Variants in ST3GAL2 observed in about 807,000 individuals in gnomAD.
The protein encoded by ST3GAL2 is ST3 beta-galactoside alpha-2,3-sialyltransferase 2, also known as CMP-N-acetylneuraminate-beta-galactosamide-alpha-2,3-sialyltransferase 2.
Under a neutral mutation model 37.5 loss-of-function variants are expected in ST3GAL2, and 16 were observed. The observed-to-expected ratio is 0.43, with a 90% CI of 0.29 to 0.65. ST3GAL2 has a LOEUF of 0.65. Ranked by LOEUF, ST3GAL2 falls within the 30% of genes least tolerant of loss-of-function variation. ST3GAL2 has a pLI of 0.17. For missense variants in ST3GAL2, 383 were observed against 487.8 expected, an observed-to-expected ratio of 0.79 and a Z score of 2.02; for synonymous variants, 238 against 202.9, an observed-to-expected ratio of 1.17 and a Z score of -1.47.
In ST3GAL2 at chr16:70,385,469, C is replaced by G. The variant is rs148275896; in HGVS notation, c.714-2234G>C. Among the ~76,000 whole-genome samples, 4 of 151,968 alleles carry G rather than the reference C, an allele frequency of 2.6e-5. No homozygotes were observed. The East Asian group carries it at 5.8e-4, about 22-fold the overall frequency. On this transcript the variant is annotated intron_variant, in intron 4 of 6. Coordinates refer to ENST00000342907, the MANE Select transcript of ST3GAL2 (RefSeq NM_006927.4). ...GAAATGGAGAGTGGTGATGGCTATA[C>G]AATAATGTGAATATACTTAATGTTA... is the stretch of plus-strand genomic sequence containing the variant.
chr16:70,404,396 T>TCAC (rs1213059848), intron 1 of ST3GAL2, among the ~76,000 whole-genome samples: 2 of 152,098 alleles, frequency 1.3e-5, no homozygotes, highest in African/African-American at 4.8e-5. Context: ...GTGGTGACCT[T>TCAC]CACAATGACT....
At chr16:70,381,946 G>T in intron 6 of ST3GAL2, 84 bp from the exon 7 acceptor site, 1 of 1,558,304 alleles carries the variant, frequency 6.4e-7, no homozygotes, top group Non-Finnish European at 8.7e-7. Flanking sequence ...AGGGAGGAGA[G>T]GGGACGGGAG....
chr16:70,388,793 G>A (rs2047460666), intron 3 of ST3GAL2, among the ~76,000 whole-genome samples: 1 of 151,976 alleles, frequency 6.6e-6, no homozygotes, highest in Admixed American at 6.6e-5. Context: ...CAGGTGTGGT[G>A]GCTCACACAT....
At position 70,405,827 on chromosome 16, in the gene ST3GAL2, G is replaced by A. The variant is rs28848878; in HGVS notation, c.-1003-6294C>T. On this transcript the variant is annotated intron_variant, in intron 1 of 6. Coordinates refer to ENST00000342907, the MANE Select transcript of ST3GAL2 (RefSeq NM_006927.4). ...TGTAATCCCAGCACTTTGGGAGGCC[G>A]AGGCAGGTGGATCACGAGGTCAGGA... Among the ~76,000 whole-genome samples the A allele has an allele frequency of 5.7e-3, 866 of 152,022 alleles. 5 individuals are homozygous for A. The highest frequency in any genetic ancestry group is 0.019 in the African/African-American group (804 of 41,482).
intron 1 of ST3GAL2, among the ~76,000 whole-genome samples, chr16:70,405,879 T>G (rs545196542): frequency 6.6e-6 from 1 of 151,474 alleles, no homozygotes; most frequent in Admixed American, 6.6e-5. Flanking sequence ...GCTAACATGG[T>G]GAAACCCCGT....
chr16:70,396,781 C>T (rs1395005127), intron 2 of ST3GAL2, among the ~76,000 whole-genome samples: 1 of 152,140 alleles, frequency 6.6e-6, no homozygotes, highest in East Asian at 1.9e-4. Flanking sequence ...GACATGGCTC[C>T]ACCCATGACA....
chr16:70,384,759 T>C (rs2047430735), intron 4 of ST3GAL2, among the ~76,000 whole-genome samples: 1 of 147,560 alleles, frequency 6.8e-6, no homozygotes, highest in African/African-American at 2.5e-5. Context: ...GTGTGGTGGC[T>C]CATGCCTGTA....
At position 70,377,917 on chromosome 16, in the gene ST3GAL2, A is replaced by T. The variant is rs1413308697; in HGVS notation, c.*3772T>A. On this transcript the variant is annotated 3_prime_UTR_variant, in exon 7 of 7. Transcript: ENST00000342907. Reference sequence around the variant, plus strand: ...GAAGAAAAAGGTGTCTAGTAAGTACAAGATGAAACATCACTTACCTAACTT... The same window carrying T: ...GAAGAAAAAGGTGTCTAGTAAGTACTAGATGAAACATCACTTACCTAACTT... 1 of 152,244 alleles carries T rather than the reference A, an allele frequency of 6.6e-6. No homozygotes were observed. The highest frequency in any genetic ancestry group is 6.5e-5 in the Admixed American group (1 of 15,270). 9.4% of individuals were successfully genotyped at this position (152,244 alleles called of 1,614,324 possible).
At chr16:70,395,684 A>G (rs2047510997) in intron 2 of ST3GAL2, among the ~76,000 whole-genome samples, 1 of 152,204 alleles carries the variant, frequency 6.6e-6, no homozygotes, top group Admixed American at 6.5e-5. Context: ...AATGGCTGGA[A>G]TAAAACTGGT....
intron 1 of ST3GAL2, among the ~76,000 whole-genome samples, chr16:70,411,763 G>A (rs2047639815): frequency 6.6e-6 from 1 of 152,154 alleles, no homozygotes; most frequent in South Asian, 2.1e-4. Context: ...AGGAGGCTGA[G>A]GCAGGCGGAT....
At chr16:70,421,605 G>A (rs1463377795) in intron 1 of ST3GAL2, among the ~76,000 whole-genome samples, 3 of 152,224 alleles carry the variant, frequency 2.0e-5, no homozygotes, top group Non-Finnish European at 2.9e-5. Context: ...ACAGCTTGGG[G>A]TTACACAGGC....
chr16:70,419,361 G>C (rs1202086755), intron 1 of ST3GAL2, among the ~76,000 whole-genome samples: 1 of 152,240 alleles, frequency 6.6e-6, no homozygotes, highest in East Asian at 1.9e-4. Context: ...ATAGGGGAGA[G>C]AATACCAGGA....
At chr16:70,422,063 G>A (rs1021711550) in intron 1 of ST3GAL2, among the ~76,000 whole-genome samples, 1 of 152,200 alleles carries the variant, frequency 6.6e-6, no homozygotes, top group African/African-American at 2.4e-5. Context: ...ACCAAGCCCA[G>A]CCTGCACTAA....
Position 70,381,431 on chromosome 16 carries a change from G to A in ST3GAL2, c.*258C>T. ...AGCGGCCGCTGGCCCGCCCCCGAAGGCCATTGATTGGAGGAGACTGGACAC... is the reference window on the plus strand; with the variant it reads ...AGCGGCCGCTGGCCCGCCCCCGAAGACCATTGATTGGAGGAGACTGGACAC... On this transcript the variant is annotated 3_prime_UTR_variant, in exon 7 of 7. Coordinates refer to ENST00000342907, the MANE Select transcript of ST3GAL2 (RefSeq NM_006927.4). The A allele has an allele frequency of 2.1e-6, 1 of 470,484 alleles. No homozygotes were observed. The highest frequency in any genetic ancestry group is 3.8e-6 in the Non-Finnish European group (1 of 263,148). 29.1% of individuals were successfully genotyped at this position (470,484 alleles called of 1,614,324 possible).
chr16:70,423,915 G>C (rs893923070), intron 1 of ST3GAL2, among the ~76,000 whole-genome samples: 13 of 151,674 alleles, frequency 8.6e-5, no homozygotes, highest in Admixed American at 7.2e-4. Context: ...AAAATTAGCC[G>C]GGCGTGGTGG....
intron 1 of ST3GAL2, among the ~76,000 whole-genome samples, chr16:70,412,057 G>T (rs1378761646): frequency 2.6e-5 from 4 of 151,830 alleles, no homozygotes; most frequent in Admixed American, 1.3e-4. Context: ...TGTGCTCACT[G>T]TTGGCACCAA....
intron 1 of ST3GAL2, among the ~76,000 whole-genome samples, chr16:70,415,735 G>T (rs1487055110): frequency 7.0e-6 from 1 of 142,086 alleles, no homozygotes; most frequent in Non-Finnish European, 1.5e-5. Context: ...TACAGGCGTT[G>T]ATCCACCGTG....
chr16:70,386,393 G>A lies in ST3GAL2; in HGVS notation c.713+1974C>T, dbSNP rs531752506. 5.3e-5 allele frequency among the ~76,000 whole-genome samples: 8 copies of A among 152,048 alleles called. No homozygotes were observed. In the East Asian group the frequency reaches 5.8e-4, roughly 11 times the overall value. ...TTTTTTAGTAGAGATGGGGTTTCACGGTGTTAGCCAGGATGGTCTCCATCT... is the reference window on the plus strand; with the variant it reads ...TTTTTTAGTAGAGATGGGGTTTCACAGTGTTAGCCAGGATGGTCTCCATCT... On this transcript the variant is annotated intron_variant, in intron 4 of 6. Coordinates refer to ENST00000342907, the MANE Select transcript of ST3GAL2 (RefSeq NM_006927.4).
At chr16:70,413,397 C>A (rs60646112) in intron 1 of ST3GAL2, among the ~76,000 whole-genome samples, 12,053 of 151,590 alleles carry the variant, frequency 0.08, 1,582 homozygotes, top group African/African-American at 0.28. Flanking sequence ...GCCTGGGCAA[C>A]AGAGTGAGAC....
Sources: gnomAD v4.1 joint callset for allele counts (sites outside exome capture counted in the v4.1 genomes callset) on GRCh38, gnomAD v4.1.1 for gene constraint, MANE v1.5 for transcripts, NCBI Gene and HGNC (gene_info 2026-07-23, HGNC 2026-07-21) for gene names.